XKR6: variants seen among roughly 807,000 people sequenced by gnomAD.
XKR6 encodes the protein XK-related protein 6.
In XKR6, 22 loss-of-function variants were observed where a neutral mutation model predicts 56.7. That is an observed-to-expected ratio of 0.39 (90% CI 0.28 to 0.55). The LOEUF (loss-of-function observed/expected upper bound fraction) is 0.55. Among genes scored for constraint, XKR6 ranks in the 20% least tolerant of loss-of-function variants. The pLI is 0.66. For synonymous variants in XKR6, 524 were observed against 387.8 expected (o/e 1.35, Z -4.13); for missense variants, 852 against 889.0 (o/e 0.96, Z 0.53).
chr8:11,158,177 G>C (rs540478070), intron 1 of XKR6, among the ~76,000 whole-genome samples: 1 of 152,116 alleles, frequency 6.6e-6, no homozygotes, highest in Non-Finnish European at 1.5e-5. Flanking sequence ...ATAATCAATC[G>C]TCAGCCATAA....
At chr8:11,110,543 C>T (rs1798848610) in intron 1 of XKR6, among the ~76,000 whole-genome samples, 1 of 152,186 alleles carries the variant, frequency 6.6e-6, no homozygotes. Context: ...CGTGCATTCT[C>T]TTCATTCTTT....
intron 1 of XKR6, among the ~76,000 whole-genome samples, chr8:11,092,409 T>C (rs1798102264): frequency 6.6e-6 from 1 of 152,178 alleles, no homozygotes; most frequent in African/African-American, 2.4e-5. Flanking sequence ...TTGCAACCCA[T>C]TATATGGAGT....
chr8:11,015,956 G>T (rs1034432492), intron 1 of XKR6, among the ~76,000 whole-genome samples: 1 of 152,162 alleles, frequency 6.6e-6, no homozygotes, highest in African/African-American at 2.4e-5. Flanking sequence ...TCGGCTGCAG[G>T]CGGGCTCCAT....
intron 1 of XKR6, among the ~76,000 whole-genome samples, chr8:11,089,921 A>C (rs777907831): frequency 2.4e-4 from 36 of 152,190 alleles, no homozygotes; most frequent in Admixed American, 6.5e-4. Flanking sequence ...CATATATAAT[A>C]GTTTGTTTTA....
intron 1 of XKR6, among the ~76,000 whole-genome samples, chr8:11,158,762 G>A (rs998897245): frequency 3.3e-5 from 5 of 152,178 alleles, no homozygotes; most frequent in Non-Finnish European, 7.4e-5. Context: ...GAAACGGACA[G>A]ACACAGCTAA....
At chr8:10,984,720 C>CTATA (rs1212342415) in intron 1 of XKR6, among the ~76,000 whole-genome samples, 4 of 83,232 alleles carry the variant, frequency 4.8e-5, no homozygotes, top group African/African-American at 2.1e-4. Flanking sequence ...CTCTCTCTCT[C>CTATA]TCTCTCTCTC....
chr8:10,900,317 C>T (rs764048843), intron 2 of XKR6, among the ~76,000 whole-genome samples: 5 of 152,086 alleles, frequency 3.3e-5, no homozygotes, highest in East Asian at 1.9e-4. Flanking sequence ...CGTCTCTCCC[C>T]GGGACCTGCC....
At chr8:11,071,466 T>C (rs942306857) in intron 1 of XKR6, among the ~76,000 whole-genome samples, 1 of 139,988 alleles carries the variant, frequency 7.1e-6, no homozygotes, top group Admixed American at 6.9e-5. Flanking sequence ...CCTTTAAGTC[T>C]ATGAGCCCCG....
chr8:11,078,254 C>A (rs1024122957), intron 1 of XKR6, among the ~76,000 whole-genome samples: 1 of 152,118 alleles, frequency 6.6e-6, no homozygotes, highest in Non-Finnish European at 1.5e-5. Flanking sequence ...CTGTGTGCCC[C>A]GAGACTTTAT....
At chr8:11,183,759 T>C (rs746942470) in intron 1 of XKR6, among the ~76,000 whole-genome samples, 6 of 152,194 alleles carry the variant, frequency 3.9e-5, no homozygotes, top group Non-Finnish European at 7.3e-5. Context: ...AATATTACTA[T>C]AAGGCCCCTA....
At chr8:10,949,460 T>G (rs1029403965) in intron 1 of XKR6, among the ~76,000 whole-genome samples, 2 of 152,206 alleles carry the variant, frequency 1.3e-5, no homozygotes, top group African/African-American at 4.8e-5. Flanking sequence ...GAGCCAGGGC[T>G]GGAGCTCCCC....
At chr8:11,102,518 G>T (rs1024162524) in intron 1 of XKR6, among the ~76,000 whole-genome samples, 1 of 152,168 alleles carries the variant, frequency 6.6e-6, no homozygotes, top group African/African-American at 2.4e-5. Context: ...GGACAGACAG[G>T]AAGCAAGAAT....
intron 1 of XKR6, among the ~76,000 whole-genome samples, chr8:11,037,571 T>G (rs1305160436): frequency 6.6e-6 from 1 of 152,166 alleles, no homozygotes; most frequent in Non-Finnish European, 1.5e-5. Flanking sequence ...GTAAAAATGA[T>G]TGAATGGGCC....
intron 1 of XKR6, among the ~76,000 whole-genome samples, chr8:10,946,185 C>T (rs762957765): frequency 2.0e-5 from 3 of 152,032 alleles, no homozygotes; most frequent in Non-Finnish European, 4.4e-5. Flanking sequence ...CCCAAGTAGC[C>T]TATTTGCACA....
chr8:11,084,261 T>A (rs1219781191), intron 1 of XKR6, among the ~76,000 whole-genome samples: 1 of 152,240 alleles, frequency 6.6e-6, no homozygotes, highest in East Asian at 1.9e-4. Flanking sequence ...GTTGGAAATC[T>A]GGTCAGAACG....
intron 1 of XKR6, among the ~76,000 whole-genome samples, chr8:10,993,783 T>C (rs139978299): frequency 1.3e-3 from 202 of 152,336 alleles, no homozygotes; most frequent in African/African-American, 4.5e-3. Context: ...AATATTTCTG[T>C]TGTGGCTTCA....
At chr8:11,098,063 G>A (rs1798328761) in intron 1 of XKR6, among the ~76,000 whole-genome samples, 1 of 152,060 alleles carries the variant, frequency 6.6e-6, no homozygotes, top group Non-Finnish European at 1.5e-5. Flanking sequence ...AAAGTTGTTG[G>A]CAAGCTAGAG....
intron 1 of XKR6, among the ~76,000 whole-genome samples, chr8:10,973,979 G>A (rs1251884332): frequency 6.6e-6 from 1 of 151,780 alleles, no homozygotes; most frequent in Non-Finnish European, 1.5e-5. Flanking sequence ...TATCATTCCA[G>A]TTTTTTTTTA....
rs115478601 is a variant in XKR6, at chr8:10,974,019, G to A, written c.765-49189C>T. Among the ~76,000 whole-genome samples the A allele has an allele frequency of 3.2e-3, 483 of 152,290 alleles. 1 individual carries two copies. Among genetic ancestry groups the A allele is most frequent in the African/African-American group, 0.011 (461 of 41,566 alleles). ...GGAAATTAAAGTCCAGAGAGGCTAA[G>A]CCATTTGCTTAAGATCACACAGGAA... On this transcript the variant is annotated intron_variant, in intron 1 of 2. Transcript: ENST00000416569.
Sources: allele counts gnomAD v4.1 joint callset (sites outside exome capture counted in the v4.1 genomes callset), GRCh38; gene constraint gnomAD v4.1.1; transcripts MANE v1.5; gene names NCBI Gene and HGNC (gene_info 2026-07-23, HGNC 2026-07-21).